AUTS2: variants seen among roughly 807,000 people sequenced by gnomAD.
AUTS2 encodes the protein activator of transcription and developmental regulator AUTS2.
A neutral mutation model predicts 112.4 loss-of-function variants in AUTS2; 17 were observed. The ratio of observed to expected loss-of-function variants is 0.15; its 90% CI spans 0.10 to 0.23. AUTS2 has a LOEUF of 0.23. AUTS2 is among the 10% of genes least tolerant of loss of function. AUTS2 has a pLI of 1.00. For missense variants in AUTS2, 1,510 were observed against 1,701.6 expected, an observed-to-expected ratio of 0.89 and a Z score of 1.98; for synonymous variants, 751 against 702.7, an observed-to-expected ratio of 1.07 and a Z score of -1.09.
chr7:70,301,741 T>C (rs893026313), intron 4 of AUTS2, among the ~76,000 whole-genome samples: 6 of 152,262 alleles, frequency 3.9e-5, no homozygotes, highest in African/African-American at 1.4e-4. Context: ...AATGCCATAC[T>C]AAAGTCCAAA....
At position 69,947,778 on chromosome 7, in the gene AUTS2, G is replaced by T. The variant is rs191179560; in HGVS notation, c.522+48280G>T. Among the ~76,000 whole-genome samples the T allele has an allele frequency of 5.9e-5, 9 of 152,254 alleles. No homozygotes were observed. The East Asian group carries it at 1.7e-3, about 29-fold the overall frequency. ...ATTAATAATAGCTTACATGTATTGAGCAGTGAATCTGTGCTAGGCTTTGTG... is the reference window on the plus strand; with the variant it reads ...ATTAATAATAGCTTACATGTATTGATCAGTGAATCTGTGCTAGGCTTTGTG... On this transcript the variant is annotated intron_variant, in intron 2 of 18. Transcript: ENST00000342771.
intron 2 of AUTS2, among the ~76,000 whole-genome samples, chr7:70,090,879 A>G (rs1803880434): frequency 6.6e-6 from 1 of 152,008 alleles, no homozygotes; most frequent in South Asian, 2.1e-4. Flanking sequence ...GGGTTTCACC[A>G]TGTTGGCCAG....
intron 1 of AUTS2, among the ~76,000 whole-genome samples, chr7:69,667,483 G>A (rs575173974): frequency 2.0e-5 from 3 of 151,522 alleles, no homozygotes; most frequent in African/African-American, 7.3e-5. Context: ...AGCCTCCTGC[G>A]TAGTTGGGAT....
intron 5 of AUTS2, among the ~76,000 whole-genome samples, chr7:70,556,908 C>T (rs1024474184): frequency 2.6e-5 from 4 of 152,154 alleles, no homozygotes; most frequent in Non-Finnish European, 4.4e-5. Flanking sequence ...AAAAGTACTT[C>T]TGGTAAACTC....
chr7:70,423,583 G>C (rs1008706833), intron 4 of AUTS2, among the ~76,000 whole-genome samples: 1 of 152,140 alleles, frequency 6.6e-6, no homozygotes, highest in African/African-American at 2.4e-5. Flanking sequence ...TAGTCCCTGT[G>C]TGCAGGTTAC....
At chr7:70,376,629 T>C (rs2039427036) in intron 4 of AUTS2, among the ~76,000 whole-genome samples, 1 of 151,180 alleles carries the variant, frequency 6.6e-6, no homozygotes, top group South Asian at 2.1e-4. Flanking sequence ...CCTGCTCTCC[T>C]GTGTGATGTA....
At chr7:70,114,964 G>A (rs1306031938) in intron 2 of AUTS2, among the ~76,000 whole-genome samples, 2 of 152,162 alleles carry the variant, frequency 1.3e-5, no homozygotes, top group Non-Finnish European at 2.9e-5. Flanking sequence ...TTAAACTTGA[G>A]CCTGGCTTTG....
chr7:69,719,292 T>TA (rs1323880238), intron 1 of AUTS2, among the ~76,000 whole-genome samples: 1 of 152,220 alleles, frequency 6.6e-6, no homozygotes, highest in East Asian at 1.9e-4. Context: ...GTATCAGACT[T>TA]AAAAATCTCA....
intron 4 of AUTS2, among the ~76,000 whole-genome samples, chr7:70,352,225 C>T (rs779191579): frequency 6.6e-6 from 1 of 152,168 alleles, no homozygotes; most frequent in African/African-American, 2.4e-5. Flanking sequence ...CTCTTAACCC[C>T]TGCACTGTTC....
intron 4 of AUTS2, among the ~76,000 whole-genome samples, chr7:70,274,667 A>G (rs1462091357): frequency 6.6e-6 from 1 of 152,150 alleles, no homozygotes; most frequent in Non-Finnish European, 1.5e-5. Context: ...CTCAAGCTTA[A>G]GGTCTGTAAT....
rs962558333 is a variant in AUTS2, at chr7:70,511,751, T to C, written c.690+75970T>C. On this transcript the variant is annotated intron_variant, in intron 5 of 18. Transcript: ENST00000342771. The stretch of plus-strand genomic sequence containing the variant: ...CCACCATGCTCAGCTAATTTTTGTA[T>C]TTTTAATAGAGACCAGGTTTCACCA... Among the ~76,000 whole-genome samples the C allele has an allele frequency of 7.2e-5, 11 of 151,868 alleles. 1 individual carries two copies. Among genetic ancestry groups the C allele is most frequent in the African/African-American group, 2.2e-4 (9 of 41,342 alleles).
intron 6 of AUTS2, among the ~76,000 whole-genome samples, chr7:70,727,689 T>G (rs1287778667): frequency 6.6e-6 from 1 of 152,202 alleles, no homozygotes; most frequent in Non-Finnish European, 1.5e-5. Flanking sequence ...TAAAAATTTG[T>G]CTTAAGATAA....
At chr7:70,425,132 C>T (rs1795379682) in intron 4 of AUTS2, among the ~76,000 whole-genome samples, 1 of 152,136 alleles carries the variant, frequency 6.6e-6, no homozygotes, top group Non-Finnish European at 1.5e-5. Context: ...GCATGGAAAG[C>T]CGTAGCTACA....
At chr7:70,626,318 G>A (rs537474210) in intron 5 of AUTS2, among the ~76,000 whole-genome samples, 6 of 129,400 alleles carry the variant, frequency 4.6e-5, no homozygotes, top group Middle Eastern at 5.0e-3. Flanking sequence ...GAGCCTAAAA[G>A]TTTGCATCCA....
chr7:70,118,438 A>G (rs1805503544), intron 3 of AUTS2: 2 of 599,250 alleles, frequency 3.3e-6, no homozygotes, highest in Admixed American at 8.4e-5. Flanking sequence ...GTTTGAGCAA[A>G]AATGTATTTT....
At chr7:70,606,663 C>T (rs1803790616) in intron 5 of AUTS2, among the ~76,000 whole-genome samples, 1 of 151,990 alleles carries the variant, frequency 6.6e-6, no homozygotes, top group Non-Finnish European at 1.5e-5. Flanking sequence ...AAGTTCGAGA[C>T]CAGCCTCATC....
chr7:70,525,465 A>G (rs973715119), intron 5 of AUTS2, among the ~76,000 whole-genome samples: 4 of 152,216 alleles, frequency 2.6e-5, no homozygotes, highest in Non-Finnish European at 4.4e-5. Flanking sequence ...AATTCCAGAA[A>G]GAACTAGGAA....
chr7:70,582,442 A>G (rs1036585017), intron 5 of AUTS2, among the ~76,000 whole-genome samples: 2 of 152,094 alleles, frequency 1.3e-5, no homozygotes, highest in African/African-American at 4.8e-5. Flanking sequence ...GCATGTGGAG[A>G]GTATGTATAT....
At chr7:70,555,046 G>A (rs942292404) in intron 5 of AUTS2, among the ~76,000 whole-genome samples, 38 of 152,182 alleles carry the variant, frequency 2.5e-4, no homozygotes, top group African/African-American at 8.9e-4. Flanking sequence ...ATGCAGAGAT[G>A]GATAAAATAT....
Sources: allele counts gnomAD v4.1 joint callset (sites outside exome capture counted in the v4.1 genomes callset), GRCh38; gene constraint gnomAD v4.1.1; transcripts MANE v1.5; gene names NCBI Gene and HGNC (gene_info 2026-07-23, HGNC 2026-07-21).